The following ERH variants were observed in gnomAD, a reference collection of about 807,000 sequenced individuals.
ERH encodes enhancer of rudimentary homolog.
A neutral mutation model predicts 16.8 loss-of-function variants in ERH; 1 was observed. The ratio of observed to expected loss-of-function variants is 0.06; its 90% CI spans 0.02 to 0.28. The LOEUF is 0.28. Among genes scored for constraint, ERH ranks in the 10% least tolerant of loss-of-function variants. The pLI is 1.00. For missense variants in ERH, 42 were observed against 127.5 expected (o/e 0.33, Z 3.23); for synonymous variants, 43 against 43.6 (o/e 0.99, Z 0.05).
rs757830578 is a variant in ERH, at chr14:69,380,672, A to C, written c.213-32T>G. On this transcript the variant is annotated intron_variant, in intron 3 of 3. Transcript: ENST00000557016. ...AGAGAAAGGGAATAAGCAAAGTCACAGTGGTCAATCACTGCCAGGTGTTTA... is the reference window on the plus strand; with the variant it reads ...AGAGAAAGGGAATAAGCAAAGTCACCGTGGTCAATCACTGCCAGGTGTTTA... 7.7e-6 allele frequency: 10 copies of C among 1,305,506 alleles called. No individual in the cohort carries two copies. The East Asian group carries it at 1.9e-4, about 24-fold the overall frequency. The allele number at this position is 1,305,506 out of a possible 1,614,324, so 80.9% of individuals were successfully genotyped here. A position where few individuals can be genotyped will look rare whatever the true frequency, so the allele number is the denominator to read the frequency against.
At chr14:69,382,398 A>C (rs2045867968) in intron 3 of ERH, among the ~76,000 whole-genome samples, 1 of 152,252 alleles carries the variant, frequency 6.6e-6, no homozygotes, top group Non-Finnish European at 1.5e-5. Flanking sequence ...AACACTGGAA[A>C]ATAACTTAAA....
chr14:69,397,775 G>A (rs965353585), intron 1 of ERH, among the ~76,000 whole-genome samples: 4 of 152,170 alleles, frequency 2.6e-5, no homozygotes, highest in Non-Finnish European at 5.9e-5. Flanking sequence ...AAAATTAGCC[G>A]AGCGAGGTGG....
intron 2 of ERH, among the ~76,000 whole-genome samples, chr14:69,387,286 G>GT (rs2045898152): frequency 6.6e-6 from 1 of 152,232 alleles, no homozygotes; most frequent in Admixed American, 6.5e-5. Context: ...GTCAGGTGTA[G>GT]TGGCTTACGC....
At position 69,398,252 on chromosome 14, in the gene ERH, C is replaced by A; in HGVS notation, c.-19G>T. ...TCACCATCGCGCCAAACTCTCTTCG[C>A]TACAGCAGCTGCCGACACCGCCGCC... On this transcript the variant is annotated 5_prime_UTR_variant, in exon 1 of 4. Coordinates refer to ENST00000557016, the MANE Select transcript of ERH (RefSeq NM_004450.3). The A allele has an allele frequency of 1.2e-6, 2 of 1,613,778 alleles. No homozygotes were observed. The highest frequency in any genetic ancestry group is 1.3e-5 in the African/African-American group (1 of 75,030).
At chr14:69,391,645 C>T (rs962894920) in intron 2 of ERH, among the ~76,000 whole-genome samples, 1 of 113,140 alleles carries the variant, frequency 8.8e-6, no homozygotes, top group African/African-American at 3.6e-5. Flanking sequence ...AAGACTCTGT[C>T]TCGCACGCCA....
chr14:69,384,025 T>C (rs2045878413), intron 3 of ERH, among the ~76,000 whole-genome samples: 1 of 152,124 alleles, frequency 6.6e-6, no homozygotes, highest in African/African-American at 2.4e-5. Context: ...TTAGAAAAGT[T>C]ATGTTATGTC....
chr14:69,382,706 G>A (rs890466502), intron 3 of ERH, among the ~76,000 whole-genome samples: 16 of 151,526 alleles, frequency 1.1e-4, no homozygotes, highest in African/African-American at 3.9e-4. Flanking sequence ...GGGCGTGGTG[G>A]CGCGCACCTG....
chr14:69,394,979 A>G (rs1882301178), intron 1 of ERH, 67 bp from the exon 2 acceptor site: 23 of 1,061,994 alleles, frequency 2.2e-5, no homozygotes, highest in Non-Finnish European at 3.3e-5. Context: ...ATAAAAAAAA[A>G]TCCCCATTTG....
intron 3 of ERH, among the ~76,000 whole-genome samples, chr14:69,386,201 A>G (rs2045891807): frequency 6.6e-6 from 1 of 152,228 alleles, no homozygotes; most frequent in Non-Finnish European, 1.5e-5. Context: ...GGGAGACAGC[A>G]TGGTGCAGCC....
At chr14:69,381,982 C>T (rs1290789982) in intron 3 of ERH, among the ~76,000 whole-genome samples, 1 of 152,208 alleles carries the variant, frequency 6.6e-6, no homozygotes, top group Non-Finnish European at 1.5e-5. Flanking sequence ...TGAGCCACCG[C>T]ACCTGGCCTC....
In ERH at chr14:69,398,254, A is replaced by C. The variant is rs1399072387; in HGVS notation, c.-21T>G. On this transcript the variant is annotated 5_prime_UTR_variant, in exon 1 of 4. Transcript: ENST00000557016. The stretch of plus-strand genomic sequence containing the variant: ...ACCATCGCGCCAAACTCTCTTCGCT[A>C]CAGCAGCTGCCGACACCGCCGCCGT... The C allele has an allele frequency of 6.2e-6, 10 of 1,613,716 alleles. No homozygotes were observed. The highest frequency in any genetic ancestry group is 6.8e-6 in the Non-Finnish European group (8 of 1,179,922).
intron 2 of ERH, among the ~76,000 whole-genome samples, chr14:69,391,047 C>T (rs1566900758): frequency 6.6e-6 from 1 of 152,214 alleles, no homozygotes; most frequent in African/African-American, 2.4e-5. Flanking sequence ...AATGGTCCTG[C>T]CACGTCTGAA....
intron 1 of ERH, chr14:69,397,910 T>G (rs1882399063): frequency 1.9e-6 from 1 of 516,400 alleles, no homozygotes; most frequent in Non-Finnish European, 3.5e-6. Context: ...AGAGTGAGAC[T>G]CTCTATCTCA....
Position 69,398,150 on chromosome 14 carries a change from G to A in ERH, c.3+81C>T, listed in dbSNP as rs533820852. The A allele has an allele frequency of 1.2e-4, 190 of 1,540,988 alleles. 1 individual carries two copies. In the South Asian group the frequency reaches 1.9e-3, roughly 16 times the overall value. Reference sequence around the variant, plus strand: ...TCACGCGGCGCTGCATGGGGCTCGTGGGGAGGGGAAAACGTATGGGGCTGG... The same window carrying A: ...TCACGCGGCGCTGCATGGGGCTCGTAGGGAGGGGAAAACGTATGGGGCTGG... On this transcript the variant is annotated intron_variant, in intron 1 of 3. Coordinates refer to ENST00000557016, the MANE Select transcript of ERH (RefSeq NM_004450.3).
chr14:69,381,546 T>C (rs1251043675), intron 3 of ERH, among the ~76,000 whole-genome samples: 1 of 152,172 alleles, frequency 6.6e-6, no homozygotes, highest in Non-Finnish European at 1.5e-5. Context: ...GCATTAGCAG[T>C]AAAACTCCAA....
At chr14:69,388,045 A>G (rs952682184) in intron 2 of ERH, among the ~76,000 whole-genome samples, 2 of 151,084 alleles carry the variant, frequency 1.3e-5, no homozygotes, top group Admixed American at 6.6e-5. Context: ...ACTCTGTCTC[A>G]AACAAACAAA....
At position 69,380,373 on chromosome 14, in the gene ERH, G is replaced by T; in HGVS notation, c.*165C>A. On this transcript the variant is annotated 3_prime_UTR_variant, in exon 4 of 4. Transcript: ENST00000557016. Reference sequence around the variant, plus strand: ...GAAAGAAAAAGAGGAGGTAACGGGGGTTTCCGATTGAACAAGATCCTCACA... The same window carrying T: ...GAAAGAAAAAGAGGAGGTAACGGGGTTTTCCGATTGAACAAGATCCTCACA... 1 of 438,640 alleles carries T rather than the reference G, an allele frequency of 2.3e-6. No homozygotes were observed. The allele number at this position is 438,640 out of a possible 1,614,324, so 27.2% of individuals were successfully genotyped here.
chr14:69,384,215 T>C (rs1016716555), intron 3 of ERH, among the ~76,000 whole-genome samples: 1 of 152,302 alleles, frequency 6.6e-6, no homozygotes, highest in African/African-American at 2.4e-5. Flanking sequence ...AGAACATGCT[T>C]GTAATTAAAA....
At chr14:69,387,219 T>G (rs1289590490) in intron 2 of ERH, 136 bp from the exon 3 acceptor site, 9 of 641,764 alleles carry the variant, frequency 1.4e-5, no homozygotes, top group South Asian at 1.2e-4. Flanking sequence ...GATGATAGAT[T>G]GATGGCTTTT....
Sources: gnomAD v4.1 joint callset for allele counts (sites outside exome capture counted in the v4.1 genomes callset) on GRCh38, gnomAD v4.1.1 for gene constraint, MANE v1.5 for transcripts, NCBI Gene and HGNC (gene_info 2026-07-23, HGNC 2026-07-21) for gene names.